Variants in GNAI1 observed in about 807,000 individuals in gnomAD.
GNAI1 encodes G protein subunit alpha i1, also known as guanine nucleotide-binding protein G(i) subunit alpha-1.
In GNAI1, 11 loss-of-function variants were observed where a neutral mutation model predicts 38.9. The ratio of observed to expected loss-of-function variants is 0.28; its 90% CI spans 0.18 to 0.47. The LOEUF (loss-of-function observed/expected upper bound fraction) is 0.47, where lower values mean the gene tolerates loss of function less well. Among genes scored for constraint, GNAI1 ranks in the 20% least tolerant of loss-of-function variants. GNAI1 has a pLI of 0.99. For synonymous variants in GNAI1, 166 were observed against 145.1 expected, an observed-to-expected ratio of 1.14 and a Z score of -1.04; for missense variants, 317 against 436.9, an observed-to-expected ratio of 0.73 and a Z score of 2.45.
chr7:80,139,779 A>G (rs565034761), intron 1 of GNAI1, among the ~76,000 whole-genome samples: 28 of 152,288 alleles, frequency 1.8e-4, no homozygotes, highest in African/African-American at 6.7e-4. Flanking sequence ...TGTTTGGTTT[A>G]AGATTTTTTT....
chr7:80,179,161 A>G (rs981264099), intron 1 of GNAI1, among the ~76,000 whole-genome samples: 8 of 152,242 alleles, frequency 5.3e-5, no homozygotes, highest in Non-Finnish European at 1.2e-4. Context: ...ATTCCTTTTT[A>G]ATAACTAGTT....
At chr7:80,145,721 A>G (rs951411357) in intron 1 of GNAI1, among the ~76,000 whole-genome samples, 5 of 152,136 alleles carry the variant, frequency 3.3e-5, no homozygotes, top group African/African-American at 4.8e-5. Context: ...AGCTTCAGCT[A>G]TTTATGGTGT....
intron 5 of GNAI1, among the ~76,000 whole-genome samples, chr7:80,204,740 T>G (rs1384882103): frequency 6.6e-6 from 1 of 152,148 alleles, no homozygotes. Flanking sequence ...CCCTTAAGTC[T>G]GTACTGTTAT....
intron 1 of GNAI1, among the ~76,000 whole-genome samples, chr7:80,187,819 C>T (rs753736274): frequency 1.3e-5 from 2 of 152,086 alleles, no homozygotes; most frequent in Non-Finnish European, 2.9e-5. Flanking sequence ...TTCTCAATAC[C>T]CAGCAATCAA....
Position 80,224,591 on chromosome 7 carries a change from TA to T in GNAI1, c.*7100del, listed in dbSNP as rs1789129199. On this transcript the variant is annotated 3_prime_UTR_variant, in exon 8 of 8. Coordinates refer to ENST00000649796, the MANE Select transcript of GNAI1 (RefSeq NM_002069.6). ...CCAACAGCATTGCCTGAACAGATGT[TA>T]ATAAGTATGCATGATGCACATTAGC... is the stretch of plus-strand genomic sequence containing the variant. Among the ~76,000 whole-genome samples the T allele has an allele frequency of 6.6e-6, 1 of 152,208 alleles. No homozygotes were observed.
At chr7:80,214,985 C>A (rs1179555543) in intron 7 of GNAI1, among the ~76,000 whole-genome samples, 2 of 151,986 alleles carry the variant, frequency 1.3e-5, no homozygotes, top group African/African-American at 2.4e-5. Flanking sequence ...TTGGGTTGGT[C>A]GGTTGGTTGG....
chr7:80,165,179 A>G (rs538191303), intron 1 of GNAI1, among the ~76,000 whole-genome samples: 16 of 152,212 alleles, frequency 1.1e-4, no homozygotes, highest in African/African-American at 3.9e-4. Context: ...TTTTGGTAGA[A>G]GTTGTGATTC....
chr7:80,206,664 TAAA>T (rs944380368), intron 5 of GNAI1, among the ~76,000 whole-genome samples: 3 of 152,016 alleles, frequency 2.0e-5, no homozygotes, highest in African/African-American at 7.2e-5. Flanking sequence ...AAAGCAAACT[TAAA>T]TTATGTTCAG....
At chr7:80,187,710 A>T (rs969351481) in intron 1 of GNAI1, among the ~76,000 whole-genome samples, 3 of 152,206 alleles carry the variant, frequency 2.0e-5, no homozygotes, top group Admixed American at 6.6e-5. Flanking sequence ...TCAAACAGTC[A>T]TAAATTCCTC....
At position 80,225,885 on chromosome 7, in the gene GNAI1, GCA is replaced by G. The variant is rs145651168; in HGVS notation, c.*8405_*8406del. Among the ~76,000 whole-genome samples the G allele has an allele frequency of 2.6e-5, 4 of 151,650 alleles. No homozygotes were observed. Among genetic ancestry groups the G allele is most frequent in the African/African-American group, 4.8e-5 (2 of 41,294 alleles). On this transcript the variant is annotated 3_prime_UTR_variant, in exon 8 of 8. Coordinates refer to ENST00000649796, the MANE Select transcript of GNAI1 (RefSeq NM_002069.6). ...CTACCCTTGTCCTTGGAATGTGTATGCACACACACACACATCTGTGAGAATGA... is the reference window on the plus strand; with the variant it reads ...CTACCCTTGTCCTTGGAATGTGTATGCACACACACACATCTGTGAGAATGA...
In GNAI1 at chr7:80,220,198, C is replaced by T. The variant is rs1421135763; in HGVS notation, c.*2705C>T. Among the ~76,000 whole-genome samples the T allele has an allele frequency of 4.6e-5, 7 of 151,494 alleles. No homozygotes were observed. The highest frequency in any genetic ancestry group is 1.0e-4 in the Non-Finnish European group (7 of 68,008). On this transcript the variant is annotated 3_prime_UTR_variant, in exon 8 of 8. Transcript: ENST00000649796. ...TTTCTACACTGTATCCAAATAGTGT[C>T]CTGTGCATAACCTGGGCTTTCCTCC... is the stretch of plus-strand genomic sequence containing the variant.
chr7:80,174,003 A>G (rs978809988), intron 1 of GNAI1, among the ~76,000 whole-genome samples: 1 of 152,042 alleles, frequency 6.6e-6, no homozygotes, highest in African/African-American at 2.4e-5. Flanking sequence ...CTTGGGAGAA[A>G]ATGTGGGGAA....
intron 3 of GNAI1, among the ~76,000 whole-genome samples, chr7:80,196,283 C>T (rs1449594123): frequency 6.6e-6 from 1 of 151,896 alleles, no homozygotes; most frequent in Non-Finnish European, 1.5e-5. Flanking sequence ...AGGAATTTTT[C>T]TGTCAAATAA....
At chr7:80,171,210 A>G (rs1449210624) in intron 1 of GNAI1, among the ~76,000 whole-genome samples, 2 of 152,234 alleles carry the variant, frequency 1.3e-5, no homozygotes, top group Non-Finnish European at 2.9e-5. Flanking sequence ...TTTATAGGCA[A>G]TGATAAATTT....
chr7:80,177,415 T>A (rs1427407057), intron 1 of GNAI1, among the ~76,000 whole-genome samples: 1 of 152,180 alleles, frequency 6.6e-6, no homozygotes, highest in East Asian at 1.9e-4. Context: ...TTCTTTTCAA[T>A]ATATTTCTGC....
At chr7:80,191,856 G>T (rs1447346193) in intron 3 of GNAI1, among the ~76,000 whole-genome samples, 2 of 152,144 alleles carry the variant, frequency 1.3e-5, no homozygotes, top group Non-Finnish European at 2.9e-5. Flanking sequence ...ATAAGTGTCT[G>T]TTTTACCATA....
At position 80,192,965 on chromosome 7, in the gene GNAI1, C is replaced by T. The variant is rs528759545; in HGVS notation, c.303+3734C>T. On this transcript the variant is annotated intron_variant, in intron 3 of 7. Transcript: ENST00000649796. ...CCACCTGCCTCAGCCTCCCAAAGTG[C>T]TGGGATTATAGGCATGAGGCACCGC... Among the ~76,000 whole-genome samples, 6 of 151,906 alleles carry T rather than the reference C, an allele frequency of 3.9e-5. No homozygotes were observed. In the South Asian group the frequency reaches 1.3e-3, roughly 32 times the overall value.
Position 80,224,917 on chromosome 7 carries a change from C to A in GNAI1, c.*7424C>A, listed in dbSNP as rs1789134090. On this transcript the variant is annotated 3_prime_UTR_variant, in exon 8 of 8. Coordinates refer to ENST00000649796, the MANE Select transcript of GNAI1 (RefSeq NM_002069.6). ...AATGTGGTTTTGGAAAATAGGTACT[C>A]ATGTGTCTTTGCATTATATTTGTAT... Among the ~76,000 whole-genome samples the A allele has an allele frequency of 6.6e-6, 1 of 152,088 alleles. No individual in the cohort carries two copies. Among genetic ancestry groups the A allele is most frequent in the Admixed American group, 6.6e-5 (1 of 15,262 alleles).
At chr7:80,196,076 A>T (rs1230569582) in intron 3 of GNAI1, among the ~76,000 whole-genome samples, 2 of 151,990 alleles carry the variant, frequency 1.3e-5, no homozygotes, top group Non-Finnish European at 2.9e-5. Flanking sequence ...CTAAATAAGT[A>T]CAGCATGCCA....
Sources: allele counts gnomAD v4.1 joint callset (sites outside exome capture counted in the v4.1 genomes callset), GRCh38; gene constraint gnomAD v4.1.1; transcripts MANE v1.5; gene names NCBI Gene and HGNC (gene_info 2026-07-23, HGNC 2026-07-21).